NTRK3: variants seen among roughly 807,000 people sequenced by gnomAD.
The protein encoded by NTRK3 is NT-3 growth factor receptor.
Under a neutral mutation model 91.7 loss-of-function variants are expected in NTRK3, and 24 were observed. That is an observed-to-expected ratio of 0.26 (90% confidence interval 0.19 to 0.37). The LOEUF is 0.37. Ranked by LOEUF, NTRK3 falls within the 10% of genes least tolerant of loss-of-function variation. The pLI, the probability that NTRK3 is intolerant of heterozygous loss-of-function variation, is 1.00. For missense variants in NTRK3, 880 were observed against 1,068.9 expected (o/e 0.82, Z 2.46); for synonymous variants, 483 against 404.0 (o/e 1.20, Z -2.34).
At chr15:88,142,035 T>C (rs2042432044) in intron 6 of NTRK3, among the ~76,000 whole-genome samples, 1 of 152,204 alleles carries the variant, frequency 6.6e-6, no homozygotes, top group Non-Finnish European at 1.5e-5. Context: ...AGAAAACATT[T>C]TGAGTCTTAA....
chr15:88,204,653 A>C (rs551975636), intron 3 of NTRK3, among the ~76,000 whole-genome samples: 3 of 152,304 alleles, frequency 2.0e-5, no homozygotes, highest in African/African-American at 7.2e-5. Flanking sequence ...AGGTGTTAAA[A>C]ATTCTTTCTG....
At chr15:88,158,102 C>A (rs180719589) in intron 5 of NTRK3, among the ~76,000 whole-genome samples, 17 of 152,138 alleles carry the variant, frequency 1.1e-4, no homozygotes, top group African/African-American at 2.7e-4. Flanking sequence ...GTTTGCTCAT[C>A]TGGAAGTTGG....
chr15:88,053,923 A>G (rs1223891064), intron 13 of NTRK3, among the ~76,000 whole-genome samples: 1 of 152,218 alleles, frequency 6.6e-6, no homozygotes, highest in Non-Finnish European at 1.5e-5. Context: ...CAGGCTCTGA[A>G]AAAAGGTACT....
At position 88,130,570 on chromosome 15, in the gene NTRK3, G is replaced by A. The variant is rs369617260; in HGVS notation, c.1205-1836C>T. The stretch of plus-strand genomic sequence containing the variant: ...GTACCAAAACCTATCGACATCACGC[G>A]CCCCCGAAACGATGCACTGAGAGGG... On this transcript the variant is annotated intron_variant, in intron 10 of 18. Coordinates refer to ENST00000394480, the Ensembl canonical transcript of NTRK3. Among the ~76,000 whole-genome samples, 114 of 151,820 alleles carry A rather than the reference G, an allele frequency of 7.5e-4. 2 individuals are homozygous for A. In the South Asian group the frequency reaches 0.023, roughly 30 times the overall value.
Position 88,233,548 on chromosome 15 carries a change from A to G in NTRK3, c.248+22358T>C, listed in dbSNP as rs1325717797. 1.3e-5 allele frequency among the ~76,000 whole-genome samples: 2 copies of G among 152,112 alleles called. No homozygotes were observed. The highest frequency in any genetic ancestry group is 4.8e-5 in the African/African-American group (2 of 41,400). ...TCCCCCAGCTGCAGAGACTCCCCCA[A>G]GGACTTCCTAGTTGCCACAGGCCTC... On this transcript the variant is annotated intron_variant, in intron 3 of 18. Coordinates refer to ENST00000394480, the Ensembl canonical transcript of NTRK3. The surrounding 1 kb of genome is among the most constrained non-coding windows in gnomAD (Gnocchi z 4.2).
At chr15:87,913,512 G>C (rs1438257786) in intron 17 of NTRK3, among the ~76,000 whole-genome samples, 1 of 152,006 alleles carries the variant, frequency 6.6e-6, no homozygotes, top group African/African-American at 2.4e-5. Context: ...CTTTTTCACT[G>C]ATCCTAGATG....
chr15:87,908,452 C>T, intron 17 of NTRK3: 1 of 399,900 alleles, frequency 2.5e-6, no homozygotes. Context: ...ACTGCCCTGC[C>T]CAGCCCCCTG....
chr15:87,977,307 A>C (rs2073811435), intron 14 of NTRK3: 1 of 179,520 alleles, frequency 5.6e-6, no homozygotes, highest in African/African-American at 2.4e-5. Context: ...GTAACCTGGA[A>C]TTTCTGTATT....
chr15:88,093,119 AG>A (rs2049196703), intron 13 of NTRK3, among the ~76,000 whole-genome samples: 1 of 148,462 alleles, frequency 6.7e-6, no homozygotes, highest in Admixed American at 6.8e-5. Context: ...TGCCTACCAC[AG>A]AAGGTAAAAC....
At chr15:88,132,199 G>C (rs920172845) in intron 10 of NTRK3, 14 of 176,290 alleles carry the variant, frequency 7.9e-5, no homozygotes, top group Non-Finnish European at 1.2e-5. Context: ...GAACTTACTA[G>C]GTTGACCAGA....
intron 17 of NTRK3, among the ~76,000 whole-genome samples, chr15:87,883,739 A>G (rs940550428): frequency 1.3e-5 from 2 of 151,374 alleles, no homozygotes; most frequent in African/African-American, 4.8e-5. Context: ...TTTCTGTATC[A>G]AATATAATAA....
intron 14 of NTRK3, among the ~76,000 whole-genome samples, chr15:87,953,766 C>G (rs12101812): frequency 0.21 from 31,674 of 152,012 alleles, 5,330 homozygotes; most frequent in African/African-American, 0.47. Context: ...ATCAGCCTGG[C>G]GGACATTTCC....
chr15:87,869,388 A>G, exon 19 of NTRK3: 1 of 227,606 alleles, frequency 4.4e-6, no homozygotes, highest in Non-Finnish European at 8.7e-6. Flanking sequence ...CACAGAGGTT[A>G]ATCTAGATGT....
exon 19 of NTRK3, chr15:87,870,110 C>T (rs890075204): frequency 2.1e-5 from 4 of 186,246 alleles, no homozygotes; most frequent in African/African-American, 9.4e-5. Flanking sequence ...TATAGCAGCA[C>T]AATTTGCAAT....
chr15:88,002,533 G>T (rs1463851210), intron 14 of NTRK3, among the ~76,000 whole-genome samples: 3 of 152,060 alleles, frequency 2.0e-5, no homozygotes, highest in African/African-American at 7.2e-5. Flanking sequence ...CAGAGAATCT[G>T]AGATCTCTGC....
chr15:87,920,625 A>C (rs2067787696), intron 17 of NTRK3, among the ~76,000 whole-genome samples: 1 of 152,224 alleles, frequency 6.6e-6, no homozygotes, highest in African/African-American at 2.4e-5. Context: ...GCACAGTTCT[A>C]AAAGATTCTT....
chr15:88,160,157 C>A (rs1031171498), intron 5 of NTRK3, among the ~76,000 whole-genome samples: 2 of 152,132 alleles, frequency 1.3e-5, no homozygotes, highest in Non-Finnish European at 2.9e-5. Context: ...ATGAGTGAGA[C>A]CCAAAGCTGG....
At chr15:88,198,204 G>A (rs2047996201) in intron 3 of NTRK3, among the ~76,000 whole-genome samples, 1 of 152,164 alleles carries the variant, frequency 6.6e-6, no homozygotes, top group South Asian at 2.1e-4. Flanking sequence ...CAGTGGCTGA[G>A]GCTGTGACAG....
At chr15:88,111,054 T>G (rs1193479410) in intron 13 of NTRK3, among the ~76,000 whole-genome samples, 5 of 152,156 alleles carry the variant, frequency 3.3e-5, no homozygotes. Context: ...CAAGAAGACA[T>G]GTCAAGAATG....
Sources: gnomAD v4.1 joint callset for allele counts (sites outside exome capture counted in the v4.1 genomes callset) on GRCh38, gnomAD v4.1.1 for gene constraint, Gnocchi (gnomAD v3.1) non-coding constraint, MANE v1.5 for transcripts, NCBI Gene and HGNC (gene_info 2026-07-23, HGNC 2026-07-21) for gene names.